Variants in EXOC4 observed in about 807,000 individuals in gnomAD.
EXOC4 encodes the protein SEC8-like 1.
Under a neutral mutation model 107.2 loss-of-function variants are expected in EXOC4, and 71 were observed. That is an observed-to-expected ratio of 0.66 (90% CI 0.55 to 0.81). EXOC4 has a LOEUF of 0.81. Ranked by LOEUF, EXOC4 falls within the 30% of genes least tolerant of loss-of-function variation. The probability of loss-of-function intolerance (pLI) is 0.00; values close to 1 mark genes in which losing one functional copy is unlikely to be tolerated. For missense variants in EXOC4, 1,108 were observed against 1,189.6 expected, an observed-to-expected ratio of 0.93 and a Z score of 1.01; for synonymous variants, 456 against 441.2, an observed-to-expected ratio of 1.03 and a Z score of -0.42.
intron 17 of EXOC4, among the ~76,000 whole-genome samples, chr7:134,053,545 A>G (rs28417216): frequency 0.18 from 26,748 of 150,224 alleles, 2,799 homozygotes; most frequent in African/African-American, 0.28. Context: ...TATGCTGATG[A>G]AAGTATATCT....
At chr7:133,534,117 A>G (rs1179044684) in intron 9 of EXOC4, among the ~76,000 whole-genome samples, 3 of 152,180 alleles carry the variant, frequency 2.0e-5, no homozygotes, top group Non-Finnish European at 4.4e-5. Flanking sequence ...TATTTTCATA[A>G]TCAAACCGTA....
chr7:133,614,505 A>G (rs1023494287), intron 9 of EXOC4, among the ~76,000 whole-genome samples: 2 of 152,058 alleles, frequency 1.3e-5, no homozygotes, highest in African/African-American at 4.8e-5. Flanking sequence ...CCCCAAACAG[A>G]ATGTCTCTAA....
intron 12 of EXOC4, among the ~76,000 whole-genome samples, chr7:133,901,736 A>C (rs1447817298): frequency 6.6e-6 from 1 of 152,174 alleles, no homozygotes; most frequent in Non-Finnish European, 1.5e-5. Flanking sequence ...ACTATTCCAC[A>C]TATTTCATAA....
rs878879994 is a variant in EXOC4, at chr7:133,423,631, G to A, written c.1182+48629G>A. 2.6e-4 allele frequency among the ~76,000 whole-genome samples: 39 copies of A among 152,306 alleles called. 1 individual carries two copies. The highest frequency in any genetic ancestry group is 8.2e-4 in the African/African-American group (34 of 41,562). ...GGACATAATAGTGAGAGGTGACAAC[G>A]TGCTAGCAGCCCTCGGTCGCTCTCT... On this transcript the variant is annotated intron_variant, in intron 7 of 17. Transcript: ENST00000253861.
At chr7:133,375,629 TAAGC>T (rs1796473130) in intron 7 of EXOC4, among the ~76,000 whole-genome samples, 1 of 152,226 alleles carries the variant, frequency 6.6e-6, no homozygotes, top group Non-Finnish European at 1.5e-5. Flanking sequence ...AAAATATTCT[TAAGC>T]ATTATTTTAT....
intron 9 of EXOC4, among the ~76,000 whole-genome samples, chr7:133,526,442 T>C (rs1327593282): frequency 6.6e-6 from 1 of 152,164 alleles, no homozygotes; most frequent in Non-Finnish European, 1.5e-5. Context: ...AGAGAATTCT[T>C]TAAAAACAAT....
chr7:133,529,549 G>C (rs1156785850), intron 9 of EXOC4, among the ~76,000 whole-genome samples: 1 of 152,152 alleles, frequency 6.6e-6, no homozygotes, highest in Non-Finnish European at 1.5e-5. Context: ...TCATTTTGTA[G>C]ATGGGGCCCT....
intron 7 of EXOC4, among the ~76,000 whole-genome samples, chr7:133,402,260 G>A (rs558269994): frequency 7.9e-4 from 121 of 152,324 alleles, no homozygotes; most frequent in Non-Finnish European, 1.4e-3. Context: ...CACGTGTACT[G>A]CTTTGTAAGT....
chr7:133,540,015 T>C (rs1459087356), intron 9 of EXOC4, among the ~76,000 whole-genome samples: 1 of 151,918 alleles, frequency 6.6e-6, no homozygotes. Flanking sequence ...GTAATTCAGG[T>C]GTGAAAAAAA....
chr7:133,346,231 C>A (rs1795780790), intron 5 of EXOC4, among the ~76,000 whole-genome samples: 1 of 152,064 alleles, frequency 6.6e-6, no homozygotes, highest in Non-Finnish European at 1.5e-5. Context: ...CCTGTGCTTG[C>A]TGCTTTTAGT....
At chr7:134,060,077 A>G (rs375931057) in intron 17 of EXOC4, among the ~76,000 whole-genome samples, 1 of 152,184 alleles carries the variant, frequency 6.6e-6, no homozygotes, top group East Asian at 1.9e-4. Flanking sequence ...CATGAGGAAG[A>G]TAAGAGAAAA....
chr7:133,886,361 A>C (rs1465644992), intron 11 of EXOC4, among the ~76,000 whole-genome samples: 1 of 152,224 alleles, frequency 6.6e-6, no homozygotes, highest in African/African-American at 2.4e-5. Context: ...TCTGGCAAAC[A>C]GTGGACTAGT....
intron 9 of EXOC4, among the ~76,000 whole-genome samples, chr7:133,586,909 C>T (rs1199844177): frequency 6.6e-6 from 1 of 152,164 alleles, no homozygotes; most frequent in Non-Finnish European, 1.5e-5. Context: ...CGGCTCACTG[C>T]AACCTCTGCC....
At chr7:133,473,486 T>C (rs1374937783) in intron 7 of EXOC4, among the ~76,000 whole-genome samples, 1 of 152,212 alleles carries the variant, frequency 6.6e-6, no homozygotes, top group African/African-American at 2.4e-5. Context: ...TTTACTATTG[T>C]TGTATTCTCT....
chr7:133,852,023 C>A (rs140266939), intron 11 of EXOC4, among the ~76,000 whole-genome samples: 3,532 of 152,188 alleles, frequency 0.023, 70 homozygotes, highest in Non-Finnish European at 0.032. Flanking sequence ...TTCTTATAAT[C>A]TTGACAAAAC....
intron 11 of EXOC4, among the ~76,000 whole-genome samples, chr7:133,880,766 C>T (rs1472389318): frequency 3.9e-5 from 6 of 152,166 alleles, no homozygotes; most frequent in Admixed American, 6.5e-5. Context: ...AGATTATGTT[C>T]GTCACAGATT....
At chr7:133,536,366 C>T (rs531068937) in intron 9 of EXOC4, among the ~76,000 whole-genome samples, 10 of 152,236 alleles carry the variant, frequency 6.6e-5, no homozygotes, top group Non-Finnish European at 1.2e-4. Flanking sequence ...TTTACAGCCC[C>T]GAAGTCCTAG....
At chr7:133,866,693 C>T (rs1382337302) in intron 11 of EXOC4, among the ~76,000 whole-genome samples, 1 of 152,006 alleles carries the variant, frequency 6.6e-6, no homozygotes, top group Non-Finnish European at 1.5e-5. Flanking sequence ...GATCCAAGAG[C>T]CTATGTGCTC....
chr7:133,982,536 A>G, intron 14 of EXOC4, among the ~76,000 whole-genome samples: 1 of 152,190 alleles, frequency 6.6e-6, no homozygotes, highest in East Asian at 1.9e-4. Context: ...TGGGTGACAG[A>G]GTGAGACTCT....
Sources: gnomAD v4.1 joint callset for allele counts (sites outside exome capture counted in the v4.1 genomes callset) on GRCh38, gnomAD v4.1.1 for gene constraint, MANE v1.5 for transcripts, NCBI Gene and HGNC (gene_info 2026-07-23, HGNC 2026-07-21) for gene names.